The following DPYSL5 variants were observed in gnomAD, a reference collection of about 807,000 sequenced individuals.
The protein encoded by DPYSL5 is dihydropyrimidinase like 5, also known as dihydropyrimidinase-related protein 5.
DPYSL5 carries 9 observed loss-of-function variants against 58.4 expected under a neutral mutation model. The ratio of observed to expected loss-of-function variants is 0.15; its 90% CI spans 0.09 to 0.27. DPYSL5 has a LOEUF of 0.27. Ranked by LOEUF, DPYSL5 falls within the 10% of genes least tolerant of loss-of-function variation. DPYSL5 has a pLI of 1.00. For synonymous variants in DPYSL5, 293 were observed against 301.9 expected (o/e 0.97, Z 0.31); for missense variants, 499 against 770.6 (o/e 0.65, Z 4.17).
At chr2:26,900,605 T>C (rs1664134660) in intron 2 of DPYSL5, among the ~76,000 whole-genome samples, 1 of 152,150 alleles carries the variant, frequency 6.6e-6, no homozygotes, top group Admixed American at 6.5e-5. Context: ...CTCCCGGGAA[T>C]GGAATTGCAG....
intron 1 of DPYSL5, among the ~76,000 whole-genome samples, chr2:26,871,805 TTTAC>T (rs1663268508): frequency 6.6e-6 from 1 of 152,188 alleles, no homozygotes; most frequent in East Asian, 1.9e-4. Context: ...AGTTTTGAAA[TTTAC>T]TTAAATTTAT....
At position 26,946,977 on chromosome 2, in the gene DPYSL5, G is replaced by A. The variant is rs111555734; in HGVS notation, c.1677G>A (p.Arg559=). 527 of 1,613,608 alleles carry A rather than the reference G, an allele frequency of 3.3e-4. 3 individuals carry two copies. In the African/African-American group the frequency reaches 6.2e-3, roughly 19 times the overall value. The change falls in exon 13 of 13, where the codon AGG becomes AGA. Residue 559 remains arginine (R), a synonymous_variant. Coordinates refer to ENST00000288699, the MANE Select transcript of DPYSL5 (RefSeq NM_020134.4). ...GGATCCTCGCTCCTCCCGGAGGCAG[G>A]TCGAGTGGCATTTGGTAAAGGCATT... ...SARILAPPGG[R]SSGIW
At chr2:26,912,032 A>G (rs1250109188) in intron 2 of DPYSL5, among the ~76,000 whole-genome samples, 1 of 152,188 alleles carries the variant, frequency 6.6e-6, no homozygotes, top group Non-Finnish European at 1.5e-5. Flanking sequence ...CATGGTTCTC[A>G]CAGGACCTGA....
chr2:26,888,901 C>T (rs1017452445), intron 1 of DPYSL5, among the ~76,000 whole-genome samples: 1 of 152,010 alleles, frequency 6.6e-6, no homozygotes, highest in Non-Finnish European at 1.5e-5. Context: ...CTGGGAAGTC[C>T]AAGATCAAGT....
At chr2:26,915,806 T>G (rs974443864) in intron 2 of DPYSL5, among the ~76,000 whole-genome samples, 1 of 151,982 alleles carries the variant, frequency 6.6e-6, no homozygotes, top group Non-Finnish European at 1.5e-5. Flanking sequence ...CTTCCTCAGC[T>G]CTCCTCTCAG....
intron 8 of DPYSL5, among the ~76,000 whole-genome samples, chr2:26,936,982 A>G (rs72804854): frequency 0.031 from 3,791 of 121,594 alleles, 66 homozygotes; most frequent in Non-Finnish European, 0.048. Flanking sequence ...AGAAGAATCA[A>G]CCTCCTTTTC....
At chr2:26,936,442 C>T (rs927838775) in intron 8 of DPYSL5, among the ~76,000 whole-genome samples, 9 of 152,146 alleles carry the variant, frequency 5.9e-5, no homozygotes, top group Non-Finnish European at 4.4e-5. Flanking sequence ...TTAGCCAATG[C>T]GAGTGGAGTG....
At chr2:26,894,215 A>C (rs1366568374) in intron 1 of DPYSL5, among the ~76,000 whole-genome samples, 1 of 152,040 alleles carries the variant, frequency 6.6e-6, no homozygotes, top group African/African-American at 2.4e-5. Context: ...AGTTGCCCTC[A>C]GCACTGGCCC....
Position 26,875,100 on chromosome 2 carries a change from T to C in DPYSL5, c.-4-23396T>C, listed in dbSNP as rs115464601. Reference sequence around the variant, plus strand: ...CTTTATAAATGAGATAAATATGTTTTAATATTATAAGCTGCTTCATTCCTC... The same window carrying C: ...CTTTATAAATGAGATAAATATGTTTCAATATTATAAGCTGCTTCATTCCTC... On this transcript the variant is annotated intron_variant, in intron 1 of 12. Coordinates refer to ENST00000288699, the MANE Select transcript of DPYSL5 (RefSeq NM_020134.4). Among the ~76,000 whole-genome samples, 210 of 152,338 alleles carry C rather than the reference T, an allele frequency of 1.4e-3. 1 individual carries two copies. The highest frequency in any genetic ancestry group is 4.9e-3 in the African/African-American group (203 of 41,578).
intron 2 of DPYSL5, among the ~76,000 whole-genome samples, chr2:26,911,417 A>G (rs1558342190): frequency 6.6e-6 from 1 of 152,246 alleles, no homozygotes. Context: ...CACTTGATCA[A>G]CATTCTCAGT....
Position 26,942,445 on chromosome 2 carries a change from C to A in DPYSL5, c.1233-98C>A. 7.3e-7 allele frequency: 1 copy of A among 1,366,138 alleles called. No homozygotes were observed. The highest frequency in any genetic ancestry group is 1.0e-6 in the Non-Finnish European group (1 of 993,094). 84.6% of individuals were successfully genotyped at this position (1,366,138 alleles called of 1,614,324 possible). A position where few individuals can be genotyped will look rare whatever the true frequency, so the allele number is the denominator to read the frequency against. The stretch of plus-strand genomic sequence containing the variant: ...AGAATTTTGAAGGGAGCCAATTCAA[C>A]CCATAACAACCAGCCTTTGGGGCTC... On this transcript the variant is annotated intron_variant, in intron 10 of 12. Coordinates refer to ENST00000288699, the MANE Select transcript of DPYSL5 (RefSeq NM_020134.4). This position sits in a 1 kb window ranked among gnomAD's most constrained non-coding sequence, Gnocchi z 5.9.
intron 9 of DPYSL5, among the ~76,000 whole-genome samples, 154 bp from the exon 10 acceptor site, chr2:26,941,795 TG>T (rs1180430160): frequency 1.3e-5 from 2 of 152,202 alleles, no homozygotes; most frequent in African/African-American, 4.8e-5. Flanking sequence ...CCAAGCAGGC[TG>T]GCTCATCTGA....
intron 1 of DPYSL5, among the ~76,000 whole-genome samples, chr2:26,867,467 T>TTTGTTTTTGTTTTTG (rs1558323501): frequency 5.1e-4 from 77 of 149,890 alleles, no homozygotes; most frequent in African/African-American, 1.8e-3. Context: ...TTGTTTTTTT[T>TTTGTTTTTGTTTTTG]TTTTTTGAGA....
intron 6 of DPYSL5, among the ~76,000 whole-genome samples, chr2:26,932,185 A>AAGAAAGAAAGACAGAC (rs1553321117): frequency 1.3e-4 from 9 of 70,374 alleles, no homozygotes; most frequent in East Asian, 8.4e-4. Flanking sequence ...GAAAGAAAGA[A>AAGAAAGAAAGACAGAC]AGAAAGAAAG....
chr2:26,856,885 TTA>T (rs1309807972), intron 1 of DPYSL5, among the ~76,000 whole-genome samples: 1 of 147,928 alleles, frequency 6.8e-6, no homozygotes, highest in African/African-American at 2.5e-5. Context: ...GTTAAAAAAA[TTA>T]TATATATTAT....
chr2:26,942,753 G>A lies in DPYSL5; in HGVS notation c.1440+3G>A. 1.2e-6 allele frequency: 2 copies of A among 1,612,628 alleles called. No individual in the cohort carries two copies. Among genetic ancestry groups the A allele is most frequent in the Non-Finnish European group, 1.7e-6 (2 of 1,178,868 alleles). On this transcript the variant is annotated splice_donor_region_variant and intron_variant, in intron 11 of 12. Transcript: ENST00000288699. This position sits in a 1 kb window ranked among gnomAD's most constrained non-coding sequence, Gnocchi z 5.9. The stretch of plus-strand genomic sequence containing the variant: ...AGAAGCTGGTCCAGAGAGAGAAGGT[G>A]AGGTGGGAGGAGGAAGATGCAGGGG...
At chr2:26,923,267 G>A (rs1395387060) in intron 2 of DPYSL5, among the ~76,000 whole-genome samples, 1 of 152,150 alleles carries the variant, frequency 6.6e-6, no homozygotes, top group African/African-American at 2.4e-5. Flanking sequence ...GGAGTTTGAG[G>A]CTGCAGTGTG....
intron 1 of DPYSL5, among the ~76,000 whole-genome samples, chr2:26,858,403 C>G (rs1277219621): frequency 6.6e-6 from 1 of 152,068 alleles, no homozygotes; most frequent in South Asian, 2.1e-4. Context: ...GATCTCCTGA[C>G]CTCGTGATCT....
chr2:26,923,607 G>A (rs1291102861), intron 2 of DPYSL5, among the ~76,000 whole-genome samples: 1 of 152,166 alleles, frequency 6.6e-6, no homozygotes, highest in Non-Finnish European at 1.5e-5. Flanking sequence ...GAGTCACTTT[G>A]TCTTAGAGCC....
Sources: allele counts gnomAD v4.1 joint callset (sites outside exome capture counted in the v4.1 genomes callset), GRCh38; gene constraint gnomAD v4.1.1; non-coding constraint Gnocchi (gnomAD v3.1); transcripts MANE v1.5; gene names NCBI Gene and HGNC (gene_info 2026-07-23, HGNC 2026-07-21).